ANO10: variants seen among roughly 807,000 people sequenced by gnomAD.
The protein encoded by ANO10 is anoctamin 10.
A neutral mutation model predicts 74.7 loss-of-function variants in ANO10; 77 were observed. The observed-to-expected ratio is 1.03, with a 90% CI of 0.86 to 1.25. The LOEUF (loss-of-function observed/expected upper bound fraction) is 1.25, where lower values mean the gene tolerates loss of function less well. ANO10 is among the 50% of genes most tolerant of loss of function. The pLI is 0.00. For synonymous variants in ANO10, 279 were observed against 284.9 expected (o/e 0.98, Z 0.21); for missense variants, 721 against 778.1 (o/e 0.93, Z 0.87).
intron 11 of ANO10, among the ~76,000 whole-genome samples, chr3:43,510,738 T>A (rs937904220): frequency 1.3e-5 from 2 of 152,122 alleles, no homozygotes; most frequent in Non-Finnish European, 2.9e-5. Flanking sequence ...TATACCACTG[T>A]GTACAAAGAA....
At chr3:43,539,920 G>A (rs1038135642) in intron 11 of ANO10, among the ~76,000 whole-genome samples, 18 of 152,258 alleles carry the variant, frequency 1.2e-4, no homozygotes, top group African/African-American at 4.1e-4. Flanking sequence ...CAAGAAACAG[G>A]TTAGGTTACC....
At chr3:43,501,215 G>A (rs2077089490) in intron 11 of ANO10, among the ~76,000 whole-genome samples, 1 of 152,126 alleles carries the variant, frequency 6.6e-6, no homozygotes, top group Non-Finnish European at 1.5e-5. Context: ...CAGCTATGCA[G>A]TCACATGGCA....
At chr3:43,593,401 A>G (rs1438266016) in intron 4 of ANO10, among the ~76,000 whole-genome samples, 3 of 152,258 alleles carry the variant, frequency 2.0e-5, no homozygotes, top group Non-Finnish European at 2.9e-5. Flanking sequence ...TCAGACTAAC[A>G]GCAGATCTCT....
At chr3:43,510,000 T>C (rs2077449600) in intron 11 of ANO10, among the ~76,000 whole-genome samples, 1 of 152,132 alleles carries the variant, frequency 6.6e-6, no homozygotes, top group African/African-American at 2.4e-5. Context: ...AGACAAAATT[T>C]TGGAGACAGA....
chr3:43,599,101 C>G (rs2082221474), intron 3 of ANO10, among the ~76,000 whole-genome samples: 1 of 152,226 alleles, frequency 6.6e-6, no homozygotes, highest in African/African-American at 2.4e-5. Flanking sequence ...CTTCTGCAGT[C>G]AAACATCCCT....
chr3:43,507,038 T>C (rs758916627), intron 11 of ANO10, among the ~76,000 whole-genome samples: 5 of 152,218 alleles, frequency 3.3e-5, no homozygotes, highest in South Asian at 2.1e-4. Flanking sequence ...TATATCTTTA[T>C]TGAATTAACT....
At chr3:43,653,995 G>A (rs2083818486) in intron 1 of ANO10, among the ~76,000 whole-genome samples, 1 of 149,710 alleles carries the variant, frequency 6.7e-6, no homozygotes, top group Non-Finnish European at 1.5e-5. Flanking sequence ...ACCTGGATAT[G>A]AGGCCTAGAC....
At chr3:43,634,447 G>A (rs913649241) in intron 1 of ANO10, among the ~76,000 whole-genome samples, 6 of 152,068 alleles carry the variant, frequency 3.9e-5, no homozygotes, top group Non-Finnish European at 4.4e-5. Context: ...TATTTTAAAT[G>A]TCCTGGATAT....
chr3:43,557,650 G>C (rs1486879252), intron 9 of ANO10, among the ~76,000 whole-genome samples: 1 of 148,446 alleles, frequency 6.7e-6, no homozygotes, highest in Non-Finnish European at 1.5e-5. Flanking sequence ...CAGGAGAATG[G>C]TATAAACCTG....
At chr3:43,552,957 C>T (rs1195284514) in intron 10 of ANO10, among the ~76,000 whole-genome samples, 2 of 151,958 alleles carry the variant, frequency 1.3e-5, no homozygotes, top group African/African-American at 4.8e-5. Flanking sequence ...CCACACCCAG[C>T]TAATTTTTGT....
intron 11 of ANO10, among the ~76,000 whole-genome samples, chr3:43,521,046 A>C (rs2077932900): frequency 6.6e-6 from 1 of 152,134 alleles, no homozygotes; most frequent in South Asian, 2.1e-4. Context: ...AATTGTTTTT[A>C]ATGGATTCCT....
chr3:43,530,627 A>G (rs371536017), intron 11 of ANO10, among the ~76,000 whole-genome samples: 1 of 152,198 alleles, frequency 6.6e-6, no homozygotes, highest in East Asian at 1.9e-4. Context: ...CCCCACATTC[A>G]CATAACTTTT....
intron 1 of ANO10, among the ~76,000 whole-genome samples, chr3:43,633,293 G>A (rs2083569274): frequency 6.6e-6 from 1 of 152,140 alleles, no homozygotes; most frequent in Admixed American, 6.5e-5. Context: ...ACAAGTTAGA[G>A]TAGATGAAAT....
chr3:43,463,375 T>C (rs2075471944), intron 11 of ANO10, among the ~76,000 whole-genome samples: 1 of 152,188 alleles, frequency 6.6e-6, no homozygotes, highest in Admixed American at 6.5e-5. Flanking sequence ...AGCTTGTGGA[T>C]TGAAAGCATT....
intron 1 of ANO10, among the ~76,000 whole-genome samples, chr3:43,655,776 G>A (rs1406592431): frequency 1.3e-5 from 2 of 150,210 alleles, no homozygotes; most frequent in Non-Finnish European, 3.0e-5. Flanking sequence ...TGATTGGTGT[G>A]TTTACAAACC....
chr3:43,676,680 T>C (rs1486608767), intron 1 of ANO10, among the ~76,000 whole-genome samples: 1 of 152,124 alleles, frequency 6.6e-6, no homozygotes, highest in Non-Finnish European at 1.5e-5. Flanking sequence ...CATTGTAATA[T>C]CATTTTGCAA....
chr3:43,366,430 CCA>C lies in ANO10; in HGVS notation c.*474_*475del. ...TGCAAAAGAGAACCAGGAAAGAGGTCCAGTGTGGGAAGCACTGCCTTACTGTA... is the reference window on the plus strand; with the variant it reads ...TGCAAAAGAGAACCAGGAAAGAGGTCGTGTGGGAAGCACTGCCTTACTGTA... On this transcript the variant is annotated 3_prime_UTR_variant, in exon 13 of 13. Transcript: ENST00000292246. The C allele has an allele frequency of 4.2e-6, 1 of 239,418 alleles. No individual in the cohort carries two copies. Among genetic ancestry groups the C allele is most frequent in the South Asian group, 6.0e-5 (1 of 16,776 alleles). 14.8% of individuals were successfully genotyped at this position (239,418 alleles called of 1,614,324 possible). A position where few individuals can be genotyped will look rare whatever the true frequency, so the allele number is the denominator to read the frequency against.
chr3:43,673,238 C>T (rs1372341850), intron 1 of ANO10, among the ~76,000 whole-genome samples: 1 of 152,152 alleles, frequency 6.6e-6, no homozygotes, highest in East Asian at 1.9e-4. Flanking sequence ...AGATTAGTTC[C>T]CACTTGTCAG....
chr3:43,382,787 A>C (rs1226315279), intron 12 of ANO10, among the ~76,000 whole-genome samples: 1 of 152,238 alleles, frequency 6.6e-6, no homozygotes, highest in East Asian at 1.9e-4. Context: ...GAGACAGGTA[A>C]ATTCCTGGAA....
Sources: gnomAD v4.1 joint callset for allele counts (sites outside exome capture counted in the v4.1 genomes callset) on GRCh38, gnomAD v4.1.1 for gene constraint, MANE v1.5 for transcripts, NCBI Gene and HGNC (gene_info 2026-07-23, HGNC 2026-07-21) for gene names.